NCBP3: variants seen among roughly 807,000 people sequenced by gnomAD.
The protein encoded by NCBP3 is nuclear cap-binding protein subunit 3.
Under a neutral mutation model 75.7 loss-of-function variants are expected in NCBP3, and 20 were observed. The observed-to-expected ratio is 0.26, with a 90% CI of 0.19 to 0.38. NCBP3 has a LOEUF of 0.38. Among genes scored for constraint, NCBP3 ranks in the 10% least tolerant of loss-of-function variants. The pLI is 1.00. For missense variants in NCBP3, 678 were observed against 796.9 expected, an observed-to-expected ratio of 0.85 and a Z score of 1.80; for synonymous variants, 293 against 290.5, an observed-to-expected ratio of 1.01 and a Z score of -0.09.
At chr17:3,822,315 T>C in intron 7 of NCBP3, 1 of 317,332 alleles carries the variant, frequency 3.2e-6, no homozygotes, top group Non-Finnish European at 5.7e-6. Context: ...AAATAAACAA[T>C]ACAAGATACA....
Position 3,809,047 on chromosome 17 carries a change from GTCAAGGCAGGAGGATCAC to G in NCBP3, c.*3979_*3996del, listed in dbSNP as rs1166510046. 3 of 152,182 alleles carry G rather than the reference GTCAAGGCAGGAGGATCAC, an allele frequency of 2.0e-5. No homozygotes were observed. The highest frequency in any genetic ancestry group is 4.8e-5 in the African/African-American group (2 of 41,430). 9.4% of individuals were successfully genotyped at this position (152,182 alleles called of 1,614,324 possible). ...GCCTGTAATCTCGGCACTTTGGGAG[GTCAAGGCAGGAGGATCAC>G]TTGAGGCCAGGAGTGCTAGACGGCC... On this transcript the variant is annotated 3_prime_UTR_variant, in exon 13 of 13. Coordinates refer to ENST00000389005, the MANE Select transcript of NCBP3 (RefSeq NM_001114118.3).
chr17:3,826,911 G>A (rs2053797979), intron 4 of NCBP3, among the ~76,000 whole-genome samples: 2 of 150,726 alleles, frequency 1.3e-5, no homozygotes, highest in South Asian at 2.1e-4. Flanking sequence ...TACTCGGGAG[G>A]CTGAGGCAGA....
Position 3,846,140 on chromosome 17 carries a change from C to T in NCBP3, c.84G>A (p.Ala28=), listed in dbSNP as rs1237839954. 3 of 1,541,006 alleles carry T rather than the reference C, an allele frequency of 1.9e-6. No individual in the cohort carries two copies. The African/African-American group carries it at 4.2e-5, about 22-fold the overall frequency. ...GPALGLPSPE[A]ESGVDRGEPE... ...GCTCGCCACGGTCAACACCGGACTC[C>T]GCCTCAGGGGACGGGAGCCCCAGGG... The change falls in exon 1 of 13, where the codon GCG becomes GCA. Residue 28 remains alanine, a synonymous_variant. Transcript: ENST00000389005. This position sits in a 1 kb window ranked among gnomAD's most constrained non-coding sequence, Gnocchi z 4.6.
chr17:3,835,315 C>CA (rs1184688955), intron 3 of NCBP3, among the ~76,000 whole-genome samples: 3 of 152,196 alleles, frequency 2.0e-5, no homozygotes, highest in Non-Finnish European at 2.9e-5. Context: ...AGGATGAGTG[C>CA]AACACTGAAA....
intron 3 of NCBP3, among the ~76,000 whole-genome samples, chr17:3,833,062 GGT>G (rs1474236901): frequency 7.9e-5 from 12 of 152,108 alleles, no homozygotes; most frequent in Non-Finnish European, 1.0e-4. Context: ...GGCCAGCCTG[GGT>G]AACACAGGGA....
intron 3 of NCBP3, among the ~76,000 whole-genome samples, chr17:3,837,702 C>T (rs1440519013): frequency 3.3e-5 from 5 of 150,138 alleles, no homozygotes; most frequent in Non-Finnish European, 7.4e-5. Flanking sequence ...CCACTGCACT[C>T]CAGCCTGGGT....
At chr17:3,822,082 A>G (rs1013901163) in intron 7 of NCBP3, 30 bp from the exon 8 acceptor site, 55 of 1,411,692 alleles carry the variant, frequency 3.9e-5, no homozygotes, top group Non-Finnish European at 5.0e-5. Flanking sequence ...GTTACCTAGG[A>G]TTTCCTGTGA....
intron 3 of NCBP3, among the ~76,000 whole-genome samples, chr17:3,832,328 T>C (rs1051057761): frequency 8.5e-6 from 1 of 117,484 alleles, no homozygotes; most frequent in Non-Finnish European, 2.0e-5. Flanking sequence ...ATAAATAAAA[T>C]AATAATGTAA....
At chr17:3,821,377 A>T (rs746036034) in intron 8 of NCBP3, 25 bp from the exon 9 acceptor site, 3 of 1,555,038 alleles carry the variant, frequency 1.9e-6, no homozygotes, top group Non-Finnish European at 2.7e-6. Flanking sequence ...AAATAAGCAC[A>T]CAATCAAAAA....
rs2053420531 is a variant in NCBP3 at position 3,811,794 on chromosome 17, G to A, written c.*1250C>T. 6.6e-6 allele frequency: 1 copy of A among 152,030 alleles called. No homozygotes were observed. Among genetic ancestry groups the A allele is most frequent in the Admixed American group, 6.5e-5 (1 of 15,270 alleles). The allele number at this position is 152,030 out of a possible 1,614,324, so 9.4% of individuals were successfully genotyped here. A position where few individuals can be genotyped will look rare whatever the true frequency, so the allele number is the denominator to read the frequency against. On this transcript the variant is annotated 3_prime_UTR_variant, in exon 13 of 13. Transcript: ENST00000389005. ...AAACACTGTTTCTTAAAACTGCAGA[G>A]GAATACAAAATTAAATACTACAAAA... is the stretch of plus-strand genomic sequence containing the variant.
At chr17:3,821,765 C>A (rs1358492036) in intron 8 of NCBP3, among the ~76,000 whole-genome samples, 188 bp downstream of exon 8, 1 of 152,178 alleles carries the variant, frequency 6.6e-6, no homozygotes, top group African/African-American at 2.4e-5. Flanking sequence ...ATGTTAGGTA[C>A]TAACACAGAT....
chr17:3,806,244 A>T lies in NCBP3; in HGVS notation c.*6800T>A, dbSNP rs752960046. ...CAGGTACCCACCACCACGCCCAGCTAATTTTTGTATTTCTAGTAGAGACGG... is the reference window on the plus strand; with the variant it reads ...CAGGTACCCACCACCACGCCCAGCTTATTTTTGTATTTCTAGTAGAGACGG... On this transcript the variant is annotated 3_prime_UTR_variant, in exon 13 of 13. Transcript: ENST00000389005. 1 of 152,190 alleles carries T rather than the reference A, an allele frequency of 6.6e-6. No individual in the cohort carries two copies. The highest frequency in any genetic ancestry group is 1.5e-5 in the Non-Finnish European group (1 of 68,074). The allele number at this position is 152,190 out of a possible 1,614,324, so 9.4% of individuals were successfully genotyped here.
chr17:3,834,505 G>A (rs1434838667), intron 3 of NCBP3, among the ~76,000 whole-genome samples: 3 of 152,250 alleles, frequency 2.0e-5, no homozygotes, highest in Admixed American at 2.0e-4. Flanking sequence ...GCTAGGCGCG[G>A]TGGCTCACGC....
intron 10 of NCBP3, among the ~76,000 whole-genome samples, chr17:3,817,308 T>A (rs991508384): frequency 6.6e-6 from 1 of 152,072 alleles, no homozygotes; most frequent in African/African-American, 2.4e-5. Flanking sequence ...CAGGTGGTAA[T>A]GTGAGTGATT....
chr17:3,824,055 C>A (rs1011861207), intron 7 of NCBP3: 1 of 152,108 alleles, frequency 6.6e-6, no homozygotes, highest in Non-Finnish European at 1.5e-5. Context: ...ACATTACATA[C>A]TTACACACTC....
chr17:3,814,186 T>C (rs1423448112), intron 12 of NCBP3, 136 bp downstream of exon 12: 5 of 901,480 alleles, frequency 5.5e-6, no homozygotes, highest in Non-Finnish European at 8.4e-6. Flanking sequence ...ACGATAACTA[T>C]AATGGAAAAG....
chr17:3,832,571 C>T (rs1223568769), intron 3 of NCBP3, among the ~76,000 whole-genome samples: 1 of 146,062 alleles, frequency 6.8e-6, no homozygotes, highest in East Asian at 2.1e-4. Context: ...GCGGAGGTTG[C>T]AGTGAGCCGA....
Position 3,831,580 on chromosome 17 carries a change from A to G in NCBP3, c.356-2212T>C. 1.7e-5 allele frequency among the ~76,000 whole-genome samples: 2 copies of G among 120,548 alleles called. 1 individual carries two copies. Among genetic ancestry groups the G allele is most frequent in the Non-Finnish European group, 4.0e-5 (2 of 49,948 alleles). 79.1% of individuals were successfully genotyped at this position (120,548 alleles called of 152,430 possible). The stretch of plus-strand genomic sequence containing the variant: ...GAGCAAGACTCTGTCTCAAAAAAAA[A>G]GGGAAAGAAAAAGTAAATTTAAAAT... On this transcript the variant is annotated intron_variant, in intron 3 of 12. Coordinates refer to ENST00000389005, the MANE Select transcript of NCBP3 (RefSeq NM_001114118.3).
At chr17:3,828,133 G>A (rs1820915060) in intron 4 of NCBP3, among the ~76,000 whole-genome samples, 1 of 152,174 alleles carries the variant, frequency 6.6e-6, no homozygotes, top group South Asian at 2.1e-4. Flanking sequence ...TGGCCAGGCT[G>A]GTCTTGAACT....
Sources: allele counts gnomAD v4.1 joint callset (sites outside exome capture counted in the v4.1 genomes callset), GRCh38; gene constraint gnomAD v4.1.1; non-coding constraint Gnocchi (gnomAD v3.1); transcripts MANE v1.5; gene names NCBI Gene and HGNC (gene_info 2026-07-23, HGNC 2026-07-21).